Variants in CREBBP observed in about 807,000 individuals in gnomAD.
CREBBP encodes the protein CREB binding lysine acetyltransferase, also known as CREB-binding protein.
Under a neutral mutation model 265.0 loss-of-function variants are expected in CREBBP, and 19 were observed. The observed-to-expected ratio is 0.07, with a 90% confidence interval of 0.05 to 0.11. The LOEUF (loss-of-function observed/expected upper bound fraction) is 0.11, where lower values mean the gene tolerates loss of function less well. Ranked by LOEUF, CREBBP falls within the 10% of genes least tolerant of loss-of-function variation. The pLI is 1.00. For synonymous variants in CREBBP, 1,457 were observed against 1,223.7 expected, an observed-to-expected ratio of 1.19 and a Z score of -3.98; for missense variants, 2,525 against 3,219.0, an observed-to-expected ratio of 0.78 and a Z score of 5.22.
chr16:3,860,170 T>G (rs1288279181), intron 1 of CREBBP, among the ~76,000 whole-genome samples: 1 of 152,192 alleles, frequency 6.6e-6, no homozygotes, highest in African/African-American at 2.4e-5. Context: ...AGGTGTTCTG[T>G]GTCGACTGTT....
In CREBBP at chr16:3,773,935, G is replaced by A. The variant is rs763032094; in HGVS notation, c.2284-5C>T. ...TCGGGAAGGAGAAATGGCCATCTACGAGACAACAAGCACCACCAGAGCTGT... is the reference window on the plus strand; with the variant it reads ...TCGGGAAGGAGAAATGGCCATCTACAAGACAACAAGCACCACCAGAGCTGT... On this transcript the variant is annotated splice_polypyrimidine_tract_variant and splice_region_variant and intron_variant, in intron 12 of 30. Transcript: ENST00000262367. The A allele has an allele frequency of 1.1e-5, 18 of 1,612,136 alleles. No homozygotes were observed. Among genetic ancestry groups the A allele is most frequent in the Non-Finnish European group, 1.4e-5 (17 of 1,180,000 alleles).
intron 2 of CREBBP, among the ~76,000 whole-genome samples, chr16:3,833,075 G>T (rs1046633769): frequency 6.6e-6 from 1 of 152,122 alleles, no homozygotes; most frequent in African/African-American, 2.4e-5. Context: ...TTTTCCCACA[G>T]ATCATGAATA....
intron 2 of CREBBP, among the ~76,000 whole-genome samples, chr16:3,823,025 G>C (rs1567340430): frequency 6.6e-6 from 1 of 152,050 alleles, no homozygotes. Flanking sequence ...TTCCTTCTAA[G>C]TTACAAAATT....
intron 2 of CREBBP, among the ~76,000 whole-genome samples, chr16:3,847,706 G>A (rs185003937): frequency 1.3e-5 from 2 of 152,326 alleles, no homozygotes; most frequent in African/African-American, 4.8e-5. Context: ...TGTTACAGGT[G>A]TAATCAGCAA....
At chr16:3,740,221 G>A (rs1025877236) in intron 24 of CREBBP, among the ~76,000 whole-genome samples, 178 bp downstream of exon 24, 5 of 152,346 alleles carry the variant, frequency 3.3e-5, no homozygotes, top group Admixed American at 1.3e-4. Flanking sequence ...TTACTGCACT[G>A]TATAGGGTAA....
intron 1 of CREBBP, among the ~76,000 whole-genome samples, chr16:3,857,065 G>C (rs1203131465): frequency 2.6e-5 from 4 of 151,844 alleles, no homozygotes; most frequent in Non-Finnish European, 4.4e-5. Flanking sequence ...GTAAAACAAG[G>C]GTACCAACGC....
At chr16:3,762,361 CTTTTTT>C (rs35125490) in intron 16 of CREBBP, among the ~76,000 whole-genome samples, 1 of 118,688 alleles carries the variant, frequency 8.4e-6, no homozygotes, top group Non-Finnish European at 1.7e-5. Flanking sequence ...ATTTTCTTTC[CTTTTTT>C]TTTTTTTTTT....
At chr16:3,861,174 C>T (rs570309996) in intron 1 of CREBBP, among the ~76,000 whole-genome samples, 94 of 152,180 alleles carry the variant, frequency 6.2e-4, no homozygotes, top group African/African-American at 2.0e-3. Context: ...CCCAGCTACT[C>T]GGGAAGCTGA....
intron 11 of CREBBP, among the ~76,000 whole-genome samples, chr16:3,776,660 T>A (rs151251264): frequency 5.6e-4 from 86 of 152,254 alleles, no homozygotes; most frequent in African/African-American, 1.9e-3. Context: ...TCTAGGGTGC[T>A]TCTTTCTCGG....
In CREBBP at chr16:3,729,759, C is replaced by T. The variant is rs751360168; in HGVS notation, c.5288G>A (p.Ser1763Asn). Residue 1763 changes from serine to asparagine, a missense_variant, in exon 31 of 31, where the codon AGC becomes AAC. Ser to Asn is a conservative substitution (Grantham distance 46). Coordinates refer to ENST00000262367, the MANE Select transcript of CREBBP (RefSeq NM_004380.3). ...GCTCAGCCGGCGTGACTCCTGGGGG[C>T]TCTTTGACTGTGGCTCGCCCTGGCT... The part of the protein sequence containing the change: ...GSSQGEPQSK[S>N]PQESRRLSIQ... 3.1e-6 allele frequency: 5 copies of T among 1,608,284 alleles called. No homozygotes were observed. Among genetic ancestry groups the T allele is most frequent in the Non-Finnish European group, 4.2e-6 (5 of 1,179,520 alleles).
intron 4 of CREBBP, among the ~76,000 whole-genome samples, chr16:3,792,676 G>A (rs1414415968): frequency 6.6e-6 from 1 of 152,222 alleles, no homozygotes; most frequent in East Asian, 1.9e-4. Flanking sequence ...ATGTCACAAC[G>A]GGAGACGGGG....
intron 2 of CREBBP, among the ~76,000 whole-genome samples, chr16:3,843,881 G>C (rs1416265816): frequency 6.6e-6 from 1 of 151,862 alleles, no homozygotes; most frequent in Non-Finnish European, 1.5e-5. Flanking sequence ...GGGCGCGGTG[G>C]CTCACGCCTG....
intron 3 of CREBBP, among the ~76,000 whole-genome samples, chr16:3,802,598 C>A (rs2053739886): frequency 6.6e-6 from 1 of 152,060 alleles, no homozygotes; most frequent in Admixed American, 6.5e-5. Context: ...TAACGCTTAT[C>A]CTCACATTCC....
intron 1 of CREBBP, among the ~76,000 whole-genome samples, chr16:3,862,943 A>G (rs1459738674): frequency 6.6e-6 from 1 of 151,872 alleles, no homozygotes; most frequent in Non-Finnish European, 1.5e-5. Context: ...ATCCAGGGGG[A>G]CTCTTTTACA....
chr16:3,808,050 T>C (rs1015797127), intron 3 of CREBBP, among the ~76,000 whole-genome samples: 1 of 151,544 alleles, frequency 6.6e-6, no homozygotes, highest in African/African-American at 2.4e-5. Context: ...ACAAAAATGC[T>C]TTCTCAGTTT....
rs763643418 is a variant in CREBBP at position 3,729,558 on chromosome 16, G to C, written c.5489C>G (p.Ala1830Gly). The C allele has an allele frequency of 1.9e-6, 3 of 1,614,196 alleles. No individual in the cohort carries two copies. In the Admixed American group the frequency reaches 5.0e-5, roughly 27 times the overall value. The part of the protein sequence containing the change: ...KQLIALCCYH[A>G]KHCQENKCPV... ...GCATTTGTTTTCTTGGCAGTGCTTG[G>C]CGTGGTAGCAGCAGAGGGCGATGAG... is the stretch of plus-strand genomic sequence containing the variant. Residue 1830 changes from alanine (A) to glycine (G), a missense_variant, in exon 31 of 31, where the codon GCC becomes GGC. This residue lies in a region of CREBBP where 53 missense variants were observed against 146.3 expected (regional missense o/e 0.36). Coordinates refer to ENST00000262367, the MANE Select transcript of CREBBP (RefSeq NM_004380.3).
At chr16:3,841,882 G>GT (rs1362664751) in intron 2 of CREBBP, among the ~76,000 whole-genome samples, 3 of 152,148 alleles carry the variant, frequency 2.0e-5, no homozygotes, top group Non-Finnish European at 4.4e-5. Context: ...CAGAAACTTG[G>GT]TAAGTTGGAG....
Position 3,785,563 on chromosome 16 carries a change from G to C in CREBBP, c.1331-2637C>G, listed in dbSNP as rs139641020. 8.1e-4 allele frequency among the ~76,000 whole-genome samples: 124 copies of C among 152,374 alleles called. 3 individuals carry two copies. The East Asian group carries it at 0.021, about 25-fold the overall frequency. On this transcript the variant is annotated intron_variant, in intron 5 of 30. Transcript: ENST00000262367. ...TGGGCCACGTAACCTGCTGTGCAGA[G>C]TCCAGGGGACGTGCCAGCTATAGCG...
At chr16:3,862,117 A>G (rs1226676870) in intron 1 of CREBBP, among the ~76,000 whole-genome samples, 1 of 152,240 alleles carries the variant, frequency 6.6e-6, no homozygotes, top group African/African-American at 2.4e-5. Flanking sequence ...AAGACAGCCA[A>G]TGGACACCAA....
Sources: gnomAD v4.1 joint callset for allele counts (sites outside exome capture counted in the v4.1 genomes callset) on GRCh38, gnomAD v4.1.1 for gene constraint, gnomAD v4.1.1 regional missense constraint, MANE v1.5 for transcripts, NCBI Gene and HGNC (gene_info 2026-07-23, HGNC 2026-07-21) for gene names.